Variants in SPAG16 observed in about 807,000 individuals in gnomAD.
SPAG16 encodes sperm-associated antigen 16 protein.
In SPAG16, 86 loss-of-function variants were observed where a neutral mutation model predicts 80.4. The ratio of observed to expected loss-of-function variants is 1.07; its 90% CI spans 0.90 to 1.28. SPAG16 has a LOEUF of 1.28. Among genes scored for constraint, SPAG16 ranks in the 50% most tolerant of loss-of-function variants. The pLI is 0.00. For missense variants in SPAG16, 870 were observed against 765.3 expected (o/e 1.14, Z -1.61); for synonymous variants, 294 against 265.9 (o/e 1.11, Z -1.03).
intron 10 of SPAG16, among the ~76,000 whole-genome samples, chr2:213,710,619 C>A (rs1171045753): frequency 1.3e-5 from 2 of 152,188 alleles, no homozygotes; most frequent in Admixed American, 6.5e-5. Flanking sequence ...TGACATAATT[C>A]TCTCAACACA....
At chr2:213,541,685 C>T (rs1337415829) in intron 10 of SPAG16, among the ~76,000 whole-genome samples, 1 of 152,076 alleles carries the variant, frequency 6.6e-6, no homozygotes, top group Non-Finnish European at 1.5e-5. Flanking sequence ...GAGAACCCTT[C>T]CAAGATGTAT....
chr2:214,008,202 T>A (rs2047115289), intron 12 of SPAG16, among the ~76,000 whole-genome samples: 1 of 152,148 alleles, frequency 6.6e-6, no homozygotes, highest in Admixed American at 6.6e-5. Flanking sequence ...ACTTATCCAT[T>A]CTTACATAGA....
chr2:214,203,817 A>G (rs999955225), intron 15 of SPAG16, among the ~76,000 whole-genome samples: 8 of 152,186 alleles, frequency 5.3e-5, no homozygotes, highest in Non-Finnish European at 8.8e-5. Context: ...TCCTGGACGG[A>G]ACCTGGAGAA....
chr2:213,609,448 C>T (rs1276462586), intron 10 of SPAG16, among the ~76,000 whole-genome samples: 5 of 152,248 alleles, frequency 3.3e-5, no homozygotes, highest in East Asian at 1.9e-4. Flanking sequence ...TTTTCCTCTT[C>T]GTGGTCTTTT....
chr2:213,805,547 G>C (rs2071715759), intron 10 of SPAG16, among the ~76,000 whole-genome samples: 1 of 152,096 alleles, frequency 6.6e-6, no homozygotes, highest in African/African-American at 2.4e-5. Flanking sequence ...ATCTGAGGAG[G>C]GGTGTTGTCG....
chr2:213,705,272 G>A (rs1328063879), intron 10 of SPAG16, among the ~76,000 whole-genome samples: 7 of 151,650 alleles, frequency 4.6e-5, no homozygotes, highest in African/African-American at 1.7e-4. Context: ...AAGAGAGAGA[G>A]AGGGAGGGAG....
chr2:213,635,494 G>A (rs528306711), intron 10 of SPAG16, among the ~76,000 whole-genome samples: 26 of 152,256 alleles, frequency 1.7e-4, no homozygotes, highest in African/African-American at 5.8e-4. Context: ...TCTCCATACT[G>A]TTTTCCATAC....
intron 15 of SPAG16, among the ~76,000 whole-genome samples, chr2:214,322,142 T>C (rs545307430): frequency 3.3e-4 from 51 of 152,312 alleles, no homozygotes; most frequent in Non-Finnish European, 5.1e-4. Flanking sequence ...TGACTTAAAA[T>C]TGTTTGTTTT....
chr2:213,846,590 A>C (rs574257430), intron 10 of SPAG16, among the ~76,000 whole-genome samples: 91 of 152,190 alleles, frequency 6.0e-4, no homozygotes, highest in African/African-American at 2.1e-3. Flanking sequence ...TATAAATAAA[A>C]TAATAATGGA....
chr2:213,454,082 C>T (rs2071860444), intron 9 of SPAG16, among the ~76,000 whole-genome samples: 1 of 152,094 alleles, frequency 6.6e-6, no homozygotes, highest in Non-Finnish European at 1.5e-5. Context: ...ACAGAAATCC[C>T]TAATATACTT....
chr2:213,599,027 A>G (rs1320851428), intron 10 of SPAG16, among the ~76,000 whole-genome samples: 1 of 152,216 alleles, frequency 6.6e-6, no homozygotes, highest in African/African-American at 2.4e-5. Flanking sequence ...CCTCATGGTC[A>G]TTCTTTATAT....
intron 9 of SPAG16, among the ~76,000 whole-genome samples, chr2:213,452,583 T>G (rs2071764466): frequency 6.6e-6 from 1 of 152,214 alleles, no homozygotes; most frequent in Non-Finnish European, 1.5e-5. Flanking sequence ...GGAAACAGAG[T>G]GATCTAATTA....
chr2:213,948,762 A>T (rs760706571), intron 12 of SPAG16, among the ~76,000 whole-genome samples: 1 of 152,130 alleles, frequency 6.6e-6, no homozygotes, highest in Non-Finnish European at 1.5e-5. Flanking sequence ...TTACCTTAGA[A>T]TTTATTCTTA....
chr2:214,273,269 T>C (rs1174283308), intron 15 of SPAG16, among the ~76,000 whole-genome samples: 1 of 152,230 alleles, frequency 6.6e-6, no homozygotes, highest in African/African-American at 2.4e-5. Flanking sequence ...GGTAGTTTCT[T>C]TTGCTGTGCA....
intron 10 of SPAG16, among the ~76,000 whole-genome samples, chr2:213,686,549 C>A (rs2064682278): frequency 6.6e-6 from 1 of 152,008 alleles, no homozygotes; most frequent in South Asian, 2.1e-4. Context: ...AAAGGGAGTT[C>A]CCTGCAGACA....
chr2:213,333,281 G>A (rs1298480361), intron 5 of SPAG16, among the ~76,000 whole-genome samples: 1 of 151,830 alleles, frequency 6.6e-6, no homozygotes, highest in Admixed American at 6.6e-5. Flanking sequence ...AAATTAGATA[G>A]GAAGTAACAA....
At position 213,718,224 on chromosome 2, in the gene SPAG16, C is replaced by T. The variant is rs145449910; in HGVS notation, c.1071-144261C>T. On this transcript the variant is annotated intron_variant, in intron 10 of 15. Transcript: ENST00000331683. ...TGAACAGACACTTCTCAAAAGCAGACATTTATGTGGCCAATAAACAAATGA... is the reference window on the plus strand; with the variant it reads ...TGAACAGACACTTCTCAAAAGCAGATATTTATGTGGCCAATAAACAAATGA... Among the ~76,000 whole-genome samples, 671 of 149,586 alleles carry T rather than the reference C, an allele frequency of 4.5e-3. 8 individuals carry two copies. Among genetic ancestry groups the T allele is most frequent in the Non-Finnish European group, 6.6e-3 (447 of 67,602 alleles).
At chr2:214,375,608 C>T (rs1259504569) in intron 15 of SPAG16, among the ~76,000 whole-genome samples, 2 of 152,088 alleles carry the variant, frequency 1.3e-5, no homozygotes, top group Non-Finnish European at 2.9e-5. Flanking sequence ...AATACTGTTC[C>T]TGAAATGTGA....
Position 214,390,971 on chromosome 2 carries a change from G to A in SPAG16, c.1721-19169G>A, listed in dbSNP as rs528037750. On this transcript the variant is annotated intron_variant, in intron 15 of 15. Coordinates refer to ENST00000331683, the MANE Select transcript of SPAG16 (RefSeq NM_024532.5). ...TTGCTAAGGTTGTGAAGAGGCAGCT[G>A]GGTGGGCAAGAGGATTAGGTATTTG... is the stretch of plus-strand genomic sequence containing the variant. Among the ~76,000 whole-genome samples the A allele has an allele frequency of 2.0e-5, 3 of 152,288 alleles. No individual in the cohort carries two copies. The East Asian group carries it at 5.8e-4, about 29-fold the overall frequency.
Sources: allele counts gnomAD v4.1 joint callset (sites outside exome capture counted in the v4.1 genomes callset), GRCh38; gene constraint gnomAD v4.1.1; transcripts MANE v1.5; gene names NCBI Gene and HGNC (gene_info 2026-07-23, HGNC 2026-07-21).